The following FREY1 variants were observed in gnomAD, a reference collection of about 807,000 sequenced individuals.
The protein encoded by FREY1 is Frey regulator of sperm-oocyte fusion 1.
At chr11:45,906,839 G>T in the FREY1 span, 1 of 1,613,126 alleles carries the variant, frequency 6.2e-7, no homozygotes, top group Non-Finnish European at 8.5e-7. Flanking sequence ...GTCAGGGATG[G>T]GTAGGGGAAG....
chr11:45,906,597 G>T, the FREY1 span: 1 of 1,573,602 alleles, frequency 6.4e-7, no homozygotes, highest in South Asian at 1.2e-5. Flanking sequence ...GTAATACTCG[G>T]CAAGGTCGGG....
At chr11:45,906,733 C>T in the FREY1 span, 3 of 1,576,850 alleles carry the variant, frequency 1.9e-6, no homozygotes, top group Non-Finnish European at 1.7e-6. Context: ...GGGCAGCTGG[C>T]TCTGATGGAA....
At chr11:45,907,212 G>T in the FREY1 span, 5 of 1,555,126 alleles carry the variant, frequency 3.2e-6, no homozygotes, top group Middle Eastern at 1.7e-4. Context: ...AGCCCAGCCC[G>T]GGGGTGCAGA....
the FREY1 span, chr11:45,907,118 C>T: frequency 6.5e-7 from 1 of 1,549,446 alleles, no homozygotes; most frequent in East Asian, 2.4e-5. Context: ...GGCCCAAGTG[C>T]CCTGCCCTCT....
the FREY1 span, chr11:45,906,575 G>T: frequency 6.4e-7 from 1 of 1,551,044 alleles, no homozygotes; most frequent in Non-Finnish European, 8.7e-7. Flanking sequence ...TGGGTCATAG[G>T]TGTGCATCAT....
chr11:45,907,084 G>A, the FREY1 span: 1 of 1,516,596 alleles, frequency 6.6e-7, no homozygotes, highest in East Asian at 2.4e-5. Context: ...TCCAGAGAGG[G>A]GAGGGGCAGC....
chr11:45,907,161 G>A, the FREY1 span: 69 of 1,557,062 alleles, frequency 4.4e-5, no homozygotes, highest in Middle Eastern at 3.3e-4. Flanking sequence ...GGCTGGGAGC[G>A]AAGCAGTGCC....
At chr11:45,907,052 A>C in the FREY1 span, 1 of 1,523,344 alleles carries the variant, frequency 6.6e-7, no homozygotes, top group Non-Finnish European at 9.0e-7. Flanking sequence ...TCGAACGCCC[A>C]GGGTACCAGG....
chr11:45,906,864 AC>A, the FREY1 span: 1 of 1,613,816 alleles, frequency 6.2e-7, no homozygotes, highest in South Asian at 1.1e-5. Context: ...CAAGAGAGAT[AC>A]TACCATCCAC....
the FREY1 span, chr11:45,907,136 A>G: frequency 6.4e-7 from 1 of 1,555,964 alleles, no homozygotes; most frequent in Non-Finnish European, 8.7e-7. Flanking sequence ...TCTGTGCCCC[A>G]GGAGTCACCT....
At chr11:45,907,140 G>A in the FREY1 span, 1 of 1,556,460 alleles carries the variant, frequency 6.4e-7, no homozygotes, top group South Asian at 1.2e-5. Context: ...TGCCCCAGGA[G>A]TCACCTCAGA....
chr11:45,906,903 C>G, the FREY1 span: 4 of 1,613,822 alleles, frequency 2.5e-6, no homozygotes, highest in Non-Finnish European at 3.4e-6. Context: ...GCGAGAGTTC[C>G]AGGGGGGCGG....
chr11:45,906,541 C>T, the FREY1 span: 410 of 1,509,854 alleles, frequency 2.7e-4, 1 homozygote, highest in Non-Finnish European at 3.4e-4. Flanking sequence ...GCCTTTGTCA[C>T]ACATGGTATC....
At chr11:45,907,088 G>T in the FREY1 span, 1 of 1,532,852 alleles carries the variant, frequency 6.5e-7, no homozygotes, top group African/African-American at 1.4e-5. Flanking sequence ...GAGAGGGGAG[G>T]GGCAGCACCT....
chr11:45,906,804 G>C, the FREY1 span: 1 of 1,609,182 alleles, frequency 6.2e-7, no homozygotes, highest in Non-Finnish European at 8.5e-7. Context: ...CTGGACTTGG[G>C]GCACCTCTTA....
At chr11:45,907,017 C>T in the FREY1 span, 1 of 1,572,854 alleles carries the variant, frequency 6.4e-7, no homozygotes, top group Non-Finnish European at 8.7e-7. Context: ...GGGGATGGCT[C>T]AGTGTGGGGG....
At chr11:45,906,853 A>T in the FREY1 span, 1 of 1,613,558 alleles carries the variant, frequency 6.2e-7, no homozygotes, top group Non-Finnish European at 8.5e-7. Flanking sequence ...GGGGAAGGGG[A>T]CAAGAGAGAT....
chr11:45,906,920 C>T, the FREY1 span: 12 of 1,613,808 alleles, frequency 7.4e-6, no homozygotes, highest in Admixed American at 1.7e-5. Flanking sequence ...GCGGAAAATG[C>T]CTCAGGAACA....
the FREY1 span, chr11:45,907,122 G>T: frequency 2.6e-6 from 4 of 1,550,186 alleles, no homozygotes; most frequent in Non-Finnish European, 2.6e-6. Flanking sequence ...CAAGTGCCCT[G>T]CCCTCTGTGC....
Sources: gnomAD v4.1 joint callset for allele counts on GRCh38, gnomAD v4.1.1 for gene constraint, MANE v1.5 for transcripts, NCBI Gene and HGNC (gene_info 2026-07-23, HGNC 2026-07-21) for gene names.